Variants in PRELID2 observed in about 807,000 individuals in gnomAD.
PRELID2 encodes the protein PRELI domain-containing protein 2.
Under a neutral mutation model 28.4 loss-of-function variants are expected in PRELID2, and 25 were observed. That is an observed-to-expected ratio of 0.88 (90% CI 0.64 to 1.23). The LOEUF (loss-of-function observed/expected upper bound fraction) is 1.23. Ranked by LOEUF, PRELID2 falls within the 50% of genes most tolerant of loss-of-function variation. The pLI is 0.00. For synonymous variants in PRELID2, 76 were observed against 71.6 expected (o/e 1.06, Z -0.31); for missense variants, 201 against 214.4 (o/e 0.94, Z 0.39).
At chr5:145,389,904 C>G in the PRELID2 span, among the ~76,000 whole-genome samples, 1 of 152,082 alleles carries the variant, frequency 6.6e-6, no homozygotes, top group African/African-American at 2.4e-5. Context: ...CTTAAAATTA[C>G]CCAAGTAAAC....
the PRELID2 span, among the ~76,000 whole-genome samples, chr5:145,240,693 G>A: frequency 6.6e-6 from 1 of 151,904 alleles, no homozygotes; most frequent in South Asian, 2.1e-4. Flanking sequence ...CTGGGCCAAA[G>A]GGCAAATCCC....
chr5:145,648,745 T>C (rs1754238919), intron 1 of PRELID2, among the ~76,000 whole-genome samples: 1 of 150,208 alleles, frequency 6.7e-6, no homozygotes, highest in South Asian at 2.1e-4. Context: ...TGCAATATCC[T>C]TTACTCTTTC....
chr5:145,351,990 C>T, the PRELID2 span, among the ~76,000 whole-genome samples: 15 of 152,182 alleles, frequency 9.9e-5, no homozygotes, highest in African/African-American at 3.6e-4. Context: ...CATCTCCACC[C>T]CTGTGGCTTT....
At chr5:145,334,285 G>A in the PRELID2 span, among the ~76,000 whole-genome samples, 2 of 152,118 alleles carry the variant, frequency 1.3e-5, no homozygotes, top group Non-Finnish European at 2.9e-5. Context: ...ACATATTGTA[G>A]TTATAAATAT....
intron 1 of PRELID2, among the ~76,000 whole-genome samples, chr5:145,718,200 G>C (rs980981123): frequency 6.6e-6 from 1 of 151,848 alleles, no homozygotes; most frequent in Admixed American, 6.6e-5. Flanking sequence ...CTAGAGACAA[G>C]CTATTAGAAA....
intron 1 of PRELID2, among the ~76,000 whole-genome samples, chr5:145,674,934 C>CAA (rs968545930): frequency 7.4e-6 from 1 of 135,308 alleles, no homozygotes; most frequent in Non-Finnish European, 1.6e-5. Context: ...GATTCAGTAT[C>CAA]AAAAAAAAAA....
the PRELID2 span, among the ~76,000 whole-genome samples, chr5:145,463,264 G>A: frequency 6.7e-6 from 1 of 150,178 alleles, no homozygotes; most frequent in Non-Finnish European, 1.5e-5. Context: ...ATAAATCTTT[G>A]CAAAACATTT....
chr5:145,606,218 GAT>G (rs1454049453), intron 1 of PRELID2, among the ~76,000 whole-genome samples: 1 of 152,142 alleles, frequency 6.6e-6, no homozygotes, highest in Admixed American at 6.6e-5. Flanking sequence ...TACAAACAGA[GAT>G]AGTTTGACAT....
At chr5:145,398,892 C>T in the PRELID2 span, among the ~76,000 whole-genome samples, 1 of 152,090 alleles carries the variant, frequency 6.6e-6, no homozygotes, top group African/African-American at 2.4e-5. Context: ...CCACCCTAAA[C>T]TTCAAGAATT....
chr5:145,663,777 C>G (rs1754538040), intron 1 of PRELID2, among the ~76,000 whole-genome samples: 1 of 152,072 alleles, frequency 6.6e-6, no homozygotes, highest in Non-Finnish European at 1.5e-5. Flanking sequence ...CTCTAAATTT[C>G]CTCATTTGTA....
chr5:145,385,869 T>C, the PRELID2 span, among the ~76,000 whole-genome samples: 1 of 152,124 alleles, frequency 6.6e-6, no homozygotes, highest in African/African-American at 2.4e-5. Context: ...CATATTTTCT[T>C]TCACTGAACA....
the PRELID2 span, among the ~76,000 whole-genome samples, chr5:145,258,696 A>G: frequency 6.6e-6 from 1 of 152,226 alleles, no homozygotes; most frequent in Non-Finnish European, 1.5e-5. Flanking sequence ...TATTTAAAAG[A>G]GATACAGAGT....
intron 1 of PRELID2, among the ~76,000 whole-genome samples, chr5:145,645,739 T>A (rs1754186636): frequency 6.6e-6 from 1 of 152,186 alleles, no homozygotes; most frequent in African/African-American, 2.4e-5. Context: ...GATGACACAA[T>A]CTCTCAGCAT....
At chr5:145,396,638 T>A in the PRELID2 span, among the ~76,000 whole-genome samples, 1 of 152,244 alleles carries the variant, frequency 6.6e-6, no homozygotes, top group South Asian at 2.1e-4. Flanking sequence ...TAAACCTTAA[T>A]AGATAAAAAG....
intron 1 of PRELID2, among the ~76,000 whole-genome samples, chr5:145,589,401 T>G (rs1335862130): frequency 6.6e-6 from 1 of 152,148 alleles, no homozygotes; most frequent in Non-Finnish European, 1.5e-5. Context: ...GTTAAAAGAG[T>G]GTAATTTACA....
intron 1 of PRELID2, among the ~76,000 whole-genome samples, chr5:145,579,637 C>G (rs1272738086): frequency 6.6e-6 from 1 of 152,064 alleles, no homozygotes; most frequent in Non-Finnish European, 1.5e-5. Context: ...GAGTCACCTG[C>G]ATATCATTTT....
chr5:145,355,318 G>A, the PRELID2 span, among the ~76,000 whole-genome samples: 1 of 152,088 alleles, frequency 6.6e-6, no homozygotes, highest in South Asian at 2.1e-4. Flanking sequence ...AAGCTCATGT[G>A]TAATTTAGTT....
the PRELID2 span, among the ~76,000 whole-genome samples, chr5:145,422,246 G>T: frequency 2.7e-5 from 4 of 150,590 alleles, no homozygotes; most frequent in Admixed American, 6.7e-5. Flanking sequence ...ATGTCTATTA[G>T]GTCCGCTTGG....
the PRELID2 span, among the ~76,000 whole-genome samples, chr5:145,269,518 A>G: frequency 6.6e-6 from 1 of 151,978 alleles, no homozygotes; most frequent in Non-Finnish European, 1.5e-5. Flanking sequence ...TACAAAAGCT[A>G]AAACTATAAA....
Sources: allele counts gnomAD v4.1 joint callset (sites outside exome capture counted in the v4.1 genomes callset), GRCh38; gene constraint gnomAD v4.1.1; transcripts MANE v1.5; gene names NCBI Gene and HGNC (gene_info 2026-07-23, HGNC 2026-07-21).